Variants in GBE1 observed in about 807,000 individuals in gnomAD.
The protein encoded by GBE1 is 1,4-alpha-glucan-branching enzyme.
GBE1 carries 70 observed loss-of-function variants against 88.8 expected under a neutral mutation model. The observed-to-expected ratio is 0.79, with a 90% CI of 0.65 to 0.96. GBE1 has a LOEUF of 0.96. GBE1 is among the 40% of genes least tolerant of loss of function. GBE1 has a pLI of 0.00. For missense variants in GBE1, 872 were observed against 871.0 expected, an observed-to-expected ratio of 1.00 and a Z score of -0.01; for synonymous variants, 284 against 300.1, an observed-to-expected ratio of 0.95 and a Z score of 0.56.
intron 3 of GBE1, among the ~76,000 whole-genome samples, chr3:81,662,458 A>G (rs555972297): frequency 3.9e-5 from 6 of 152,266 alleles, no homozygotes; most frequent in African/African-American, 1.4e-4. Context: ...GGTCCTGAGC[A>G]TACCTATGAT....
intron 2 of GBE1, among the ~76,000 whole-genome samples, chr3:81,688,124 T>C (rs182928521): frequency 1.3e-5 from 2 of 152,336 alleles, no homozygotes; most frequent in East Asian, 1.9e-4. Flanking sequence ...TTACTATTGT[T>C]ACACAAAGTA....
chr3:81,550,708 T>C (rs1393285816), intron 12 of GBE1, among the ~76,000 whole-genome samples: 1 of 152,082 alleles, frequency 6.6e-6, no homozygotes, highest in Non-Finnish European at 1.5e-5. Context: ...CCTCTGGTCA[T>C]CCTCATTGCT....
rs756678628 is a variant in GBE1, at chr3:81,577,959, A to G, written c.1584T>C (p.His528=). 2.5e-6 allele frequency: 4 copies of G among 1,605,446 alleles called. No homozygotes were observed. Among genetic ancestry groups the G allele is most frequent in the African/African-American group, 1.3e-5 (1 of 74,536 alleles). The change falls in exon 12 of 16, where the codon CAT becomes CAC. Residue 528 remains histidine (H), a synonymous_variant. Coordinates refer to ENST00000429644, the MANE Select transcript of GBE1 (RefSeq NM_000158.4). ...QLHKMIRLIT[H]GLGGEGYLNF... The stretch of plus-strand genomic sequence containing the variant: ...TGAGATAGCCTTCTCCACCAAGCCC[A>G]TGCGTAATGAGTCGAATCATTTTAT...
chr3:81,750,579 A>ATATATG (rs1706492906), intron 1 of GBE1, among the ~76,000 whole-genome samples: 1 of 61,914 alleles, frequency 1.6e-5, no homozygotes, highest in Admixed American at 1.7e-4. Flanking sequence ...ATATATACGT[A>ATATATG]TATATATACG....
At chr3:81,702,679 CT>C (rs1705717474) in intron 2 of GBE1, among the ~76,000 whole-genome samples, 1 of 151,904 alleles carries the variant, frequency 6.6e-6, no homozygotes, top group Non-Finnish European at 1.5e-5. Context: ...TGCAATACAT[CT>C]TTATAAAGAG....
At chr3:81,520,600 G>T (rs554329002) in intron 14 of GBE1, among the ~76,000 whole-genome samples, 25 of 151,528 alleles carry the variant, frequency 1.6e-4, no homozygotes, top group African/African-American at 5.6e-4. Context: ...TGATATAAAA[G>T]GCATTATGTT....
chr3:81,651,191 ATTC>A (rs1704846942), intron 3 of GBE1, among the ~76,000 whole-genome samples: 1 of 152,198 alleles, frequency 6.6e-6, no homozygotes, highest in Admixed American at 6.5e-5. Context: ...AGACTTTTAC[ATTC>A]TTATCTCACT....
At chr3:81,700,915 T>G (rs1462307414) in intron 2 of GBE1, among the ~76,000 whole-genome samples, 1 of 152,166 alleles carries the variant, frequency 6.6e-6, no homozygotes, top group Non-Finnish European at 1.5e-5. Flanking sequence ...TGCTTTCCGT[T>G]ATAGCAAATA....
At position 81,734,940 on chromosome 3, in the gene GBE1, A is replaced by G. The variant is rs189677313; in HGVS notation, c.143+26435T>C. 2.0e-5 allele frequency among the ~76,000 whole-genome samples: 3 copies of G among 152,284 alleles called. No homozygotes were observed. In the East Asian group the frequency reaches 5.8e-4, roughly 29 times the overall value. ...TGTGTCATTGAGAATAGTGTGATGA[A>G]ATCTCACACTGTCCCAGCTCCATCT... On this transcript the variant is annotated intron_variant, in intron 1 of 15. Transcript: ENST00000429644.
In GBE1 at chr3:81,556,956, TA is replaced by T. The variant is rs1300936059; in HGVS notation, c.1619-19862del. Among the ~76,000 whole-genome samples the T allele has an allele frequency of 2.0e-5, 3 of 152,236 alleles. No individual in the cohort carries two copies. The East Asian group carries it at 5.8e-4, about 29-fold the overall frequency. Reference sequence around the variant, plus strand: ...TGTAACTTTTTGTTTATCGAACATTTATTAAATAAAAAGCATCAACATAAAC... The same window carrying T: ...TGTAACTTTTTGTTTATCGAACATTTTTAAATAAAAAGCATCAACATAAAC... On this transcript the variant is annotated intron_variant, in intron 12 of 15. Transcript: ENST00000429644.
At chr3:81,630,775 T>G (rs1704496632) in intron 7 of GBE1, among the ~76,000 whole-genome samples, 1 of 152,224 alleles carries the variant, frequency 6.6e-6, no homozygotes, top group Non-Finnish European at 1.5e-5. Flanking sequence ...GGTTTACCAT[T>G]GATTACATGT....
chr3:81,531,678 C>T lies in GBE1; in HGVS notation c.1934+3517G>A, dbSNP rs80228521. 5.8e-3 allele frequency among the ~76,000 whole-genome samples: 884 copies of T among 152,036 alleles called. 6 individuals carry two copies. The highest frequency in any genetic ancestry group is 0.017 in the African/African-American group (696 of 41,508). ...GATCTCTGCTTGGTGTTTTATTTTA[C>T]TGTGGCTGAGCTGGTATCCGAGTTA... On this transcript the variant is annotated intron_variant, in intron 14 of 15. Coordinates refer to ENST00000429644, the MANE Select transcript of GBE1 (RefSeq NM_000158.4).
chr3:81,490,254 T>C lies in GBE1; in HGVS notation c.*153A>G, dbSNP rs1318307013. ...CCCATCTACTTAAATAAAAGTTTGC[T>C]GTATTTGCATAAACCAATATTGAAT... On this transcript the variant is annotated 3_prime_UTR_variant, in exon 16 of 16. Transcript: ENST00000429644. 2 of 640,132 alleles carry C rather than the reference T, an allele frequency of 3.1e-6. No individual in the cohort carries two copies. The highest frequency in any genetic ancestry group is 1.9e-5 in the African/African-American group (1 of 53,692). 39.7% of individuals were successfully genotyped at this position (640,132 alleles called of 1,614,324 possible). A position where few individuals can be genotyped will look rare whatever the true frequency, so the allele number is the denominator to read the frequency against.
chr3:81,565,566 T>C (rs1703480817), intron 12 of GBE1, among the ~76,000 whole-genome samples: 1 of 152,156 alleles, frequency 6.6e-6, no homozygotes, highest in Non-Finnish European at 1.5e-5. Flanking sequence ...TTGGGGAGAA[T>C]GTAACATATT....
At chr3:81,705,923 G>C (rs1341705973) in intron 1 of GBE1, among the ~76,000 whole-genome samples, 1 of 152,052 alleles carries the variant, frequency 6.6e-6, no homozygotes, top group Non-Finnish European at 1.5e-5. Context: ...TCCATGTCAA[G>C]ACAGTGTAAT....
chr3:81,703,976 G>A (rs1340602719), intron 2 of GBE1, among the ~76,000 whole-genome samples: 1 of 151,916 alleles, frequency 6.6e-6, no homozygotes, highest in Non-Finnish European at 1.5e-5. Context: ...GTATCCACGA[G>A]AAGTTGTAGA....
At chr3:81,605,557 T>C (rs1185211469) in intron 7 of GBE1, among the ~76,000 whole-genome samples, 1 of 152,182 alleles carries the variant, frequency 6.6e-6, no homozygotes, top group East Asian at 1.9e-4. Flanking sequence ...TGTGTAAAAA[T>C]TCTAATACTT....
chr3:81,757,321 C>T (rs1262674891), intron 1 of GBE1, among the ~76,000 whole-genome samples: 3 of 152,004 alleles, frequency 2.0e-5, no homozygotes, highest in Non-Finnish European at 2.9e-5. Flanking sequence ...GGAGGCTGTA[C>T]AGAACTCAAG....
chr3:81,697,638 C>A (rs1705619988), intron 2 of GBE1, among the ~76,000 whole-genome samples: 1 of 152,140 alleles, frequency 6.6e-6, no homozygotes, highest in Admixed American at 6.5e-5. Context: ...GGGCAAGCCA[C>A]CCCAATGTGT....
Sources: gnomAD v4.1 joint callset for allele counts (sites outside exome capture counted in the v4.1 genomes callset) on GRCh38, gnomAD v4.1.1 for gene constraint, MANE v1.5 for transcripts, NCBI Gene and HGNC (gene_info 2026-07-23, HGNC 2026-07-21) for gene names.